ELMO2: variants seen among roughly 807,000 people sequenced by gnomAD.
The protein encoded by ELMO2 is engulfment and cell motility 2.
A neutral mutation model predicts 96.2 loss-of-function variants in ELMO2; 37 were observed. The ratio of observed to expected loss-of-function variants is 0.38; its 90% CI spans 0.30 to 0.51. The LOEUF is 0.51. ELMO2 is among the 20% of genes least tolerant of loss of function. The probability of loss-of-function intolerance (pLI) is 0.88; values close to 1 mark genes in which losing one functional copy is unlikely to be tolerated. For missense variants in ELMO2, 561 were observed against 912.6 expected (o/e 0.61, Z 4.96); for synonymous variants, 315 against 329.4 (o/e 0.96, Z 0.47).
chr20:46,366,915 G>C lies in ELMO2; in HGVS notation c.*445C>G, dbSNP rs878921164. 1 of 155,234 alleles carries C rather than the reference G, an allele frequency of 6.4e-6. No individual in the cohort carries two copies. The highest frequency in any genetic ancestry group is 1.4e-5 in the Non-Finnish European group (1 of 70,128). 9.6% of individuals were successfully genotyped at this position (155,234 alleles called of 1,614,324 possible). On this transcript the variant is annotated 3_prime_UTR_variant, in exon 22 of 22. Coordinates refer to ENST00000290246, the MANE Select transcript of ELMO2 (RefSeq NM_133171.5). Reference sequence around the variant, plus strand: ...GGCTTGTACTCAGATCTAAGATACAGGTAGTCACTTCAAGGCTCTCAACAC... The same window carrying C: ...GGCTTGTACTCAGATCTAAGATACACGTAGTCACTTCAAGGCTCTCAACAC...
chr20:46,402,879 G>C (rs903357298), intron 1 of ELMO2, among the ~76,000 whole-genome samples: 2 of 152,230 alleles, frequency 1.3e-5, no homozygotes, highest in Non-Finnish European at 1.5e-5. Context: ...GGCTGGACTA[G>C]ATGTTTTTGA....
At chr20:46,404,181 T>C (rs552805820) in intron 1 of ELMO2, among the ~76,000 whole-genome samples, 84 of 152,330 alleles carry the variant, frequency 5.5e-4, no homozygotes, top group African/African-American at 1.9e-3. Flanking sequence ...ATCCAGGTCC[T>C]GGGACCAGAC....
Position 46,371,310 on chromosome 20 carries a change from A to G in ELMO2, c.1801+42T>C, listed in dbSNP as rs749733517. 30 of 1,591,376 alleles carry G rather than the reference A, an allele frequency of 1.9e-5. No homozygotes were observed. The highest frequency in any genetic ancestry group is 2.1e-5 in the Non-Finnish European group (24 of 1,159,862). ...TGGACTAGAACTCCTGTCTCCTGACAAGTCCAGCAACCATGACACATCAAC... is the reference window on the plus strand; with the variant it reads ...TGGACTAGAACTCCTGTCTCCTGACGAGTCCAGCAACCATGACACATCAAC... On this transcript the variant is annotated intron_variant, in intron 19 of 21. Coordinates refer to ENST00000290246, the MANE Select transcript of ELMO2 (RefSeq NM_133171.5). The surrounding 1 kb of genome is among the most constrained non-coding windows in gnomAD (Gnocchi z 5.9).
intron 10 of ELMO2, among the ~76,000 whole-genome samples, chr20:46,382,958 T>A (rs184399270): frequency 5.2e-4 from 79 of 152,256 alleles, no homozygotes; most frequent in African/African-American, 1.9e-3. Context: ...AGCCACAGGG[T>A]CTCCTCTTCC....
intron 20 of ELMO2, chr20:46,370,017 CATTT>C (rs2145756541): frequency 3.1e-6 from 1 of 327,520 alleles, no homozygotes; most frequent in Non-Finnish European, 5.8e-6. Flanking sequence ...TCCATATAAA[CATTT>C]ATATATCTGT....
At position 46,393,647 on chromosome 20, in the gene ELMO2, T is replaced by C. The variant is rs771413497; in HGVS notation, c.120-46A>G. Reference sequence around the variant, plus strand: ...ATATCCCACTTGGCCACTCTCTTGTTCAGAAGCTGCTCATAAGTAATTTTC... The same window carrying C: ...ATATCCCACTTGGCCACTCTCTTGTCCAGAAGCTGCTCATAAGTAATTTTC... On this transcript the variant is annotated intron_variant, in intron 4 of 21. Coordinates refer to ENST00000290246, the MANE Select transcript of ELMO2 (RefSeq NM_133171.5). 3.1e-6 allele frequency: 5 copies of C among 1,593,330 alleles called. No individual in the cohort carries two copies. In the African/African-American group the frequency reaches 6.7e-5, roughly 21 times the overall value.
intron 9 of ELMO2, 67 bp from the exon 10 acceptor site, chr20:46,383,561 T>C: frequency 7.0e-7 from 1 of 1,424,566 alleles, no homozygotes; most frequent in Non-Finnish European, 9.9e-7. Context: ...TGCTTAGAAA[T>C]GGTTTAAAAC....
intron 7 of ELMO2, chr20:46,387,661 G>C: frequency 2.9e-6 from 1 of 348,670 alleles, no homozygotes; most frequent in Non-Finnish European, 5.1e-6. Flanking sequence ...AAATGTTGCT[G>C]GGTAATTAGA....
At chr20:46,388,572 GT>G (rs2145825258) in intron 7 of ELMO2, among the ~76,000 whole-genome samples, 1 of 151,356 alleles carries the variant, frequency 6.6e-6, no homozygotes, top group Admixed American at 6.6e-5. Flanking sequence ...GTTGACACCT[GT>G]GGTAAACACA....
In ELMO2 at chr20:46,375,780, C is replaced by T. The variant is rs547937043; in HGVS notation, c.818G>A (p.Arg273Gln). 2.5e-6 allele frequency: 4 copies of T among 1,614,004 alleles called. No homozygotes were observed. Among genetic ancestry groups the T allele is most frequent in the Non-Finnish European group, 3.4e-6 (4 of 1,180,010 alleles). Residue 273 changes from arginine to glutamine, a missense_variant, in exon 12 of 22, where the codon CGA (arginine) becomes CAA (glutamine). By Grantham distance (43) the Arg-to-Gln change is conservative. Transcript: ENST00000290246. The surrounding 1 kb of genome is among the most constrained non-coding windows in gnomAD (Gnocchi z 4.6). ...LRSIILNHVI[R>Q]GNRPIKTEMA... Reference sequence around the variant, plus strand: ...CTCAGTTTTGATGGGGCGGTTCCCTCGGATCACATGCTAGAAAAAGCACAG... The same window carrying T: ...CTCAGTTTTGATGGGGCGGTTCCCTTGGATCACATGCTAGAAAAAGCACAG...
intron 11 of ELMO2, chr20:46,376,637 T>C: frequency 2.3e-6 from 3 of 1,289,568 alleles, no homozygotes; most frequent in Non-Finnish European, 3.0e-6. Flanking sequence ...CATCCTGTCC[T>C]CACTCCCACA....
chr20:46,391,862 G>A (rs1276016809), intron 6 of ELMO2, among the ~76,000 whole-genome samples: 4 of 152,076 alleles, frequency 2.6e-5, no homozygotes, highest in African/African-American at 9.7e-5. Flanking sequence ...TTTGATTTGT[G>A]AAACACATGA....
At chr20:46,376,106 T>C (rs370739938) in intron 11 of ELMO2, among the ~76,000 whole-genome samples, 31 of 152,208 alleles carry the variant, frequency 2.0e-4, no homozygotes, top group East Asian at 1.7e-3. Flanking sequence ...ATACAGAACA[T>C]TGGGGGCTGG....
chr20:46,373,584 G>T (rs752550812), intron 15 of ELMO2, 49 bp from the exon 16 acceptor site: 13 of 1,598,210 alleles, frequency 8.1e-6, no homozygotes, highest in Non-Finnish European at 1.1e-5. Flanking sequence ...GTCCACAAGG[G>T]CCTGGGAGCT....
At chr20:46,386,866 A>G (rs142511764) in intron 8 of ELMO2, among the ~76,000 whole-genome samples, 19 of 152,336 alleles carry the variant, frequency 1.2e-4, no homozygotes, top group African/African-American at 3.8e-4. Context: ...TCCTTTGTGT[A>G]AAAGAAAGGA....
chr20:46,367,574 G>T lies in ELMO2; in HGVS notation c.1963-14C>A, dbSNP rs1357107371. On this transcript the variant is annotated splice_polypyrimidine_tract_variant and intron_variant, in intron 21 of 21. Coordinates refer to ENST00000290246, the MANE Select transcript of ELMO2 (RefSeq NM_133171.5). ...CCAGATGCAGTACTGTGGGGAGCAAGTTGCAAAATGTCACATCGTGACCCC... is the reference window on the plus strand; with the variant it reads ...CCAGATGCAGTACTGTGGGGAGCAATTTGCAAAATGTCACATCGTGACCCC... The T allele has an allele frequency of 6.3e-7, 1 of 1,588,918 alleles. No individual in the cohort carries two copies. Among genetic ancestry groups the T allele is most frequent in the South Asian group, 1.1e-5 (1 of 87,500 alleles).
At chr20:46,395,230 AC>A (rs2060223401) in intron 2 of ELMO2, among the ~76,000 whole-genome samples, 1 of 151,582 alleles carries the variant, frequency 6.6e-6, no homozygotes. Context: ...AGTACCTCTG[AC>A]CCCCTCCCCC....
At chr20:46,392,294 C>T (rs2060164043) in intron 6 of ELMO2, among the ~76,000 whole-genome samples, 1 of 152,124 alleles carries the variant, frequency 6.6e-6, no homozygotes, top group African/African-American at 2.4e-5. Flanking sequence ...GGTCATCCTC[C>T]ATTCTCCCCT....
chr20:46,403,382 A>G (rs1168385161), intron 1 of ELMO2, among the ~76,000 whole-genome samples: 3 of 152,242 alleles, frequency 2.0e-5, no homozygotes, highest in Non-Finnish European at 4.4e-5. Flanking sequence ...AATATTTTCT[A>G]GTGACTCACA....
Sources: gnomAD v4.1 joint callset for allele counts (sites outside exome capture counted in the v4.1 genomes callset) on GRCh38, gnomAD v4.1.1 for gene constraint, Gnocchi (gnomAD v3.1) non-coding constraint, MANE v1.5 for transcripts, NCBI Gene and HGNC (gene_info 2026-07-23, HGNC 2026-07-21) for gene names.